Variants in PRDM11 observed in about 807,000 individuals in gnomAD.
PRDM11 encodes PR/SET domain 11, also known as PR domain-containing protein 11.
PRDM11 carries 20 observed loss-of-function variants against 97.8 expected under a neutral mutation model. The ratio of observed to expected loss-of-function variants is 0.20; its 90% CI spans 0.14 to 0.30. The LOEUF (loss-of-function observed/expected upper bound fraction) is 0.30, where lower values mean the gene tolerates loss of function less well. Ranked by LOEUF, PRDM11 falls within the 10% of genes least tolerant of loss-of-function variation. PRDM11 has a pLI of 1.00. For missense variants in PRDM11, 1,139 were observed against 1,555.2 expected, an observed-to-expected ratio of 0.73 and a Z score of 4.50; for synonymous variants, 599 against 637.7, an observed-to-expected ratio of 0.94 and a Z score of 0.91.
intron 1 of PRDM11, among the ~76,000 whole-genome samples, chr11:45,130,821 G>A (rs1852700166): frequency 6.6e-6 from 1 of 152,050 alleles, no homozygotes. Flanking sequence ...ATTTTTAATG[G>A]CTGCACTGTA....
At chr11:45,140,910 A>G (rs12296068) in intron 1 of PRDM11, among the ~76,000 whole-genome samples, 4,567 of 152,300 alleles carry the variant, frequency 0.03, 250 homozygotes, top group African/African-American at 0.1. Flanking sequence ...GAGACTGAAC[A>G]AGTGCTGGAG....
upstream of PRDM11, among the ~76,000 whole-genome samples, chr11:45,144,563 G>A (rs1304820309): frequency 6.6e-6 from 1 of 152,164 alleles, no homozygotes; most frequent in Non-Finnish European, 1.5e-5. Flanking sequence ...GCTCTCTGGA[G>A]GATGGGACCA....
chr11:45,126,450 G>C (rs1433414970), intron 1 of PRDM11, among the ~76,000 whole-genome samples: 1 of 152,082 alleles, frequency 6.6e-6, no homozygotes, highest in Non-Finnish European at 1.5e-5. Context: ...TTTACAATTT[G>C]GCATGGTTTT....
At chr11:45,192,719 A>T (rs1378948106) in intron 4 of PRDM11, among the ~76,000 whole-genome samples, 1 of 152,228 alleles carries the variant, frequency 6.6e-6, no homozygotes, top group Non-Finnish European at 1.5e-5. Context: ...TGGAGTCTTC[A>T]TGTTACATTA....
chr11:45,224,720 C>T lies in PRDM11; in HGVS notation c.1246C>T (p.Arg416Cys), dbSNP rs753240285. 1.9e-6 allele frequency: 3 copies of T among 1,614,170 alleles called. No homozygotes were observed. Among genetic ancestry groups the T allele is most frequent in the South Asian group, 1.1e-5 (1 of 91,078 alleles). Residue 416 changes from arginine to cysteine, a missense_variant, in exon 7 of 8, where the codon CGC (arginine) becomes TGC (cysteine). Physicochemically the swap from Arg to Cys is radical, Grantham distance 180 (BLOSUM62 -3). Around this residue, in one of 2 missense-constraint regions of PRDM11, gnomAD observed 710 missense variants for 1,044.9 expected, o/e 0.68. Transcript: ENST00000683152. ...CACCTCTTTTTGCCCTAACTGTATT[C>T]GCCTAAAGAAGAAGGTTCGGGAGCT... Reference protein sequence around the residue: ...PTTSFCPNCIRLKKKVRELQA... With the variant: ...PTTSFCPNCICLKKKVRELQA...
At position 45,186,911 on chromosome 11, in the gene PRDM11, C is replaced by T. The variant is rs568324370; in HGVS notation, c.486+3788C>T. Among the ~76,000 whole-genome samples, 14 of 152,282 alleles carry T rather than the reference C, an allele frequency of 9.2e-5. No individual in the cohort carries two copies. The South Asian group carries it at 2.9e-3, about 32-fold the overall frequency. ...GTCCCTCCACCATGTGAGGACTTCC[C>T]TTATTGGGAGACATTGCTAATGGGG... On this transcript the variant is annotated intron_variant, in intron 4 of 7. Coordinates refer to ENST00000683152, the MANE Select transcript of PRDM11 (RefSeq NM_001384648.1).
intron 1 of PRDM11, among the ~76,000 whole-genome samples, chr11:45,122,170 TAAG>T (rs1852443900): frequency 7.1e-6 from 1 of 141,580 alleles, no homozygotes; most frequent in South Asian, 2.3e-4. Context: ...AAACCCCTAC[TAAG>T]AAGAGAGACA....
chr11:45,125,740 G>A (rs1379659914), intron 1 of PRDM11, among the ~76,000 whole-genome samples: 5 of 152,122 alleles, frequency 3.3e-5, no homozygotes, highest in Non-Finnish European at 7.4e-5. Context: ...TACATTTGCT[G>A]AGGAGTGCTT....
intron 1 of PRDM11, among the ~76,000 whole-genome samples, chr11:45,168,895 T>A (rs1211773216): frequency 7.9e-5 from 12 of 152,226 alleles, no homozygotes; most frequent in Admixed American, 7.2e-4. Context: ...CCTGGCAGCC[T>A]GACCCTGGCC....
intron 4 of PRDM11, among the ~76,000 whole-genome samples, chr11:45,194,827 T>C (rs1159266053): frequency 6.6e-6 from 1 of 151,784 alleles, no homozygotes; most frequent in African/African-American, 2.4e-5. Context: ...CTCGATCTCC[T>C]GACCTCGTGA....
At chr11:45,095,544 T>C (rs1156472088), upstream of PRDM11, among the ~76,000 whole-genome samples, 1 of 152,206 alleles carries the variant, frequency 6.6e-6, no homozygotes, top group Admixed American at 6.5e-5. Flanking sequence ...CTCTTCCTGA[T>C]GAACGCACCC....
At chr11:45,181,933 G>A (rs1852520306) in intron 2 of PRDM11, 48 bp downstream of exon 2, 5 of 1,550,748 alleles carry the variant, frequency 3.2e-6, no homozygotes, top group Non-Finnish European at 4.4e-6. Flanking sequence ...GGAGTGGGAG[G>A]TGCCTGGGCT....
In PRDM11 at chr11:45,229,134, T is replaced by C. The variant is rs531773120; in HGVS notation, c.*975T>C. 1 of 152,294 alleles carries C rather than the reference T, an allele frequency of 6.6e-6. No homozygotes were observed. Among genetic ancestry groups the C allele is most frequent in the South Asian group, 2.1e-4 (1 of 4,826 alleles). The allele number at this position is 152,294 out of a possible 1,614,324, so 9.4% of individuals were successfully genotyped here. A position where few individuals can be genotyped will look rare whatever the true frequency, so the allele number is the denominator to read the frequency against. ...AAAAACAAGGAAAATGAAAAGTACA[T>C]ATTCGAGTTACATGGATTATTTATA... On this transcript the variant is annotated 3_prime_UTR_variant, in exon 8 of 8. Transcript: ENST00000683152.
rs2135840843 is a variant in PRDM11 at position 45,219,707 on chromosome 11, A to G, written c.692A>G (p.Lys231Arg). Residue 231 changes from lysine (K) to arginine (R), a missense_variant, in exon 6 of 8, where the codon AAG (lysine) becomes AGG (arginine). Transcript: ENST00000683152. This position sits in a 1 kb window ranked among gnomAD's most constrained non-coding sequence, Gnocchi z 4.2. The part of the protein sequence containing the change: ...LRVWYSEDYM[K>R]RLHSMSQETI... ...GTCTGGTACAGCGAGGACTACATGA[A>G]GCGCCTGCACAGCATGTCCCAGGAA... 2 of 1,614,030 alleles carry G rather than the reference A, an allele frequency of 1.2e-6. No homozygotes were observed. Among genetic ancestry groups the G allele is most frequent in the Non-Finnish European group, 1.7e-6 (2 of 1,180,010 alleles).
upstream of PRDM11, among the ~76,000 whole-genome samples, chr11:45,143,732 C>T (rs1439954010): frequency 6.6e-6 from 1 of 152,122 alleles, no homozygotes; most frequent in Non-Finnish European, 1.5e-5. Flanking sequence ...GTTTCTCTGC[C>T]TGCAAAAAAT....
chr11:45,208,729 C>T (rs1373925328), intron 5 of PRDM11: 1 of 351,426 alleles, frequency 2.8e-6, no homozygotes, highest in Non-Finnish European at 5.7e-6. Context: ...TGGAAGGGAC[C>T]TCTCAGTAGG....
chr11:45,128,829 T>A (rs1367633747), intron 1 of PRDM11, among the ~76,000 whole-genome samples: 2 of 152,096 alleles, frequency 1.3e-5, no homozygotes, highest in Non-Finnish European at 2.9e-5. Context: ...AACCTGATTT[T>A]AAAAATCTGA....
At chr11:45,211,814 A>T (rs981854372) in intron 5 of PRDM11, among the ~76,000 whole-genome samples, 1 of 151,810 alleles carries the variant, frequency 6.6e-6, no homozygotes, top group African/African-American at 2.4e-5. Flanking sequence ...TCATGGGTGC[A>T]CCAAAATCTC....
chr11:45,167,462 A>G (rs1247024051), intron 1 of PRDM11, among the ~76,000 whole-genome samples: 2 of 152,154 alleles, frequency 1.3e-5, no homozygotes, highest in East Asian at 1.9e-4. Flanking sequence ...CCCGAGTCCC[A>G]TGGGTTGGCC....
Sources: gnomAD v4.1 joint callset for allele counts (sites outside exome capture counted in the v4.1 genomes callset) on GRCh38, gnomAD v4.1.1 for gene constraint, gnomAD v4.1.1 regional missense constraint, Gnocchi (gnomAD v3.1) non-coding constraint, MANE v1.5 for transcripts, NCBI Gene and HGNC (gene_info 2026-07-23, HGNC 2026-07-21) for gene names.